GGACT: variants seen among roughly 807,000 people sequenced by gnomAD.
GGACT encodes gamma-glutamylaminecyclotransferase.
For synonymous variants in GGACT, 118 were observed against 115.3 expected, an observed-to-expected ratio of 1.02 and a Z score of -0.15; for missense variants, 241 against 233.2, an observed-to-expected ratio of 1.03 and a Z score of -0.22.
chr13:100,547,477 C>CT (rs1470820063), intron 2 of GGACT, among the ~76,000 whole-genome samples: 1 of 152,214 alleles, frequency 6.6e-6, no homozygotes, highest in Non-Finnish European at 1.5e-5. Flanking sequence ...AAAAGGTAAT[C>CT]TAAAAACAAG....
At chr13:100,549,458 C>T (rs956696239) in intron 2 of GGACT, among the ~76,000 whole-genome samples, 3 of 152,248 alleles carry the variant, frequency 2.0e-5, no homozygotes, top group African/African-American at 7.2e-5. Context: ...AGGCAGGGCC[C>T]TATATCCCAC....
At chr13:100,559,392 G>T (rs11618939) in intron 2 of GGACT, among the ~76,000 whole-genome samples, 79,812 of 151,874 alleles carry the variant, frequency 0.53, 21,261 homozygotes, top group South Asian at 0.73. Context: ...TCACCATGTT[G>T]CCCAGGCTGG....
intron 2 of GGACT, among the ~76,000 whole-genome samples, chr13:100,572,294 C>T (rs1875111075): frequency 6.6e-6 from 1 of 152,140 alleles, no homozygotes; most frequent in African/African-American, 2.4e-5. Flanking sequence ...TAAGCCAGTC[C>T]ACAAAAAGAC....
At position 100,543,197 on chromosome 13, in the gene GGACT, C is replaced by CTTTTTTTTTT. The variant is rs147710327; in HGVS notation, c.-10-10606_-10-10597dup. Among the ~76,000 whole-genome samples the CTTTTTTTTTT allele has an allele frequency of 1.8e-3, 128 of 69,902 alleles. 21 individuals carry two copies. The highest frequency in any genetic ancestry group is 2.8e-3 in the African/African-American group (45 of 16,184). 45.9% of individuals were successfully genotyped at this position (69,902 alleles called of 152,430 possible). A position where few individuals can be genotyped will look rare whatever the true frequency, so the allele number is the denominator to read the frequency against. The stretch of plus-strand genomic sequence containing the variant: ...CAAAAGGATTTTAAAAAGACACCAG[C>CTTTTTTTTTT]TTTTTTTTTTTTTTTTTTTTTTTTT... On this transcript the variant is annotated intron_variant, in intron 2 of 2. Transcript: ENST00000683975.
chr13:100,557,594 C>T (rs1265336123), intron 2 of GGACT, among the ~76,000 whole-genome samples: 1 of 151,710 alleles, frequency 6.6e-6, no homozygotes, highest in African/African-American at 2.4e-5. Context: ...TTTTAAAAAC[C>T]TCTTATCTCA....
At chr13:100,566,319 A>G (rs933787087) in intron 2 of GGACT, among the ~76,000 whole-genome samples, 1 of 152,196 alleles carries the variant, frequency 6.6e-6, no homozygotes, top group Non-Finnish European at 1.5e-5. Flanking sequence ...CGTGCTCACA[A>G]AGGCCAGTTG....
chr13:100,559,790 C>T (rs901439372), intron 2 of GGACT, among the ~76,000 whole-genome samples: 12 of 152,132 alleles, frequency 7.9e-5, no homozygotes, highest in African/African-American at 2.2e-4. Context: ...ATACCACAGC[C>T]GGCTGATAGG....
intron 2 of GGACT, among the ~76,000 whole-genome samples, chr13:100,572,535 A>C (rs921025395): frequency 6.6e-6 from 1 of 152,178 alleles, no homozygotes; most frequent in African/African-American, 2.4e-5. Flanking sequence ...AAGATGGTAA[A>C]ATTTATGTGT....
rs770437181 is a variant in GGACT at position 100,534,517 on chromosome 13, G to A, written c.-10-1916C>T. Among the ~76,000 whole-genome samples the A allele has an allele frequency of 1.6e-4, 24 of 152,232 alleles. No homozygotes were observed. The highest frequency in any genetic ancestry group is 3.9e-4 in the East Asian group (2 of 5,168). ...ACAAAAGGCACCAGCTGAGAGCAGCGCTGGTGTCTGGAGAGGGCACTGGAT... is the reference window on the plus strand; with the variant it reads ...ACAAAAGGCACCAGCTGAGAGCAGCACTGGTGTCTGGAGAGGGCACTGGAT... On this transcript the variant is annotated intron_variant, in intron 2 of 2. Coordinates refer to ENST00000683975, the MANE Select transcript of GGACT (RefSeq NM_001195087.2). The surrounding 1 kb of genome is among the most constrained non-coding windows in gnomAD (Gnocchi z 4.9).
At chr13:100,557,282 ATTCTTTT>A (rs1243346770) in intron 2 of GGACT, among the ~76,000 whole-genome samples, 1 of 152,242 alleles carries the variant, frequency 6.6e-6, no homozygotes, top group Non-Finnish European at 1.5e-5. Context: ...TTGATGGAAC[ATTCTTTT>A]TGAGATAACG....
chr13:100,546,587 G>A (rs1045595452), intron 2 of GGACT, among the ~76,000 whole-genome samples: 1 of 152,088 alleles, frequency 6.6e-6, no homozygotes, highest in African/African-American at 2.4e-5. Flanking sequence ...GAGGTGGGGG[G>A]ATCGCTTGAG....
chr13:100,551,002 A>G (rs979598497), intron 2 of GGACT, among the ~76,000 whole-genome samples: 1 of 152,204 alleles, frequency 6.6e-6, no homozygotes, highest in Non-Finnish European at 1.5e-5. Flanking sequence ...AAAAACAACA[A>G]GGCCGGGCGC....
At position 100,530,476 on chromosome 13, in the gene GGACT, T is replaced by C. The variant is rs1290243208; in HGVS notation, c.*1654A>G. 4.3e-6 allele frequency: 2 copies of C among 464,860 alleles called. No homozygotes were observed. Among genetic ancestry groups the C allele is most frequent in the African/African-American group, 2.0e-5 (1 of 50,776 alleles). 28.8% of individuals were successfully genotyped at this position (464,860 alleles called of 1,614,324 possible). A position where few individuals can be genotyped will look rare whatever the true frequency, so the allele number is the denominator to read the frequency against. On this transcript the variant is annotated 3_prime_UTR_variant, in exon 3 of 3. Transcript: ENST00000683975. ...TCTTTGAATGAAGACAATGTACACATAGGCGACAGGCTCTGCCAGTAGACT... is the reference window on the plus strand; with the variant it reads ...TCTTTGAATGAAGACAATGTACACACAGGCGACAGGCTCTGCCAGTAGACT...
intron 2 of GGACT, among the ~76,000 whole-genome samples, chr13:100,562,798 AAAAAAAAAAAG>A (rs1338621769): frequency 8.8e-5 from 5 of 56,498 alleles, no homozygotes; most frequent in Non-Finnish European, 1.5e-4. Flanking sequence ...AATGTCTCAA[AAAAAAAAAAAG>A]AAAAAAAAGA....
Position 100,534,619 on chromosome 13 carries a change from C to T in GGACT, c.-10-2018G>A, listed in dbSNP as rs2088464514. 6.6e-6 allele frequency among the ~76,000 whole-genome samples: 1 copy of T among 152,144 alleles called. No individual in the cohort carries two copies. The highest frequency in any genetic ancestry group is 2.1e-4 in the South Asian group (1 of 4,824). ...CCTGGGGGGCGATGATGGTTTGGAT[C>T]CTGCTGTGCAGCTGCCTTGGGGACT... On this transcript the variant is annotated intron_variant, in intron 2 of 2. Transcript: ENST00000683975. This position sits in a 1 kb window ranked among gnomAD's most constrained non-coding sequence, Gnocchi z 4.9.
In GGACT at chr13:100,562,754, C is replaced by T. The variant is rs1036327523; in HGVS notation, c.-11+21071G>A. Among the ~76,000 whole-genome samples, 25 of 149,744 alleles carry T rather than the reference C, an allele frequency of 1.7e-4. No individual in the cohort carries two copies. In the South Asian group the frequency reaches 2.5e-3, roughly 15 times the overall value. On this transcript the variant is annotated intron_variant, in intron 2 of 2. Transcript: ENST00000683975. ...GAGGTTGCAGTGAGCTGAGATCACG[C>T]GACTGCACTCCAGCCTGGGCAACAC...
intron 2 of GGACT, among the ~76,000 whole-genome samples, chr13:100,560,245 A>G (rs2088747609): frequency 6.6e-6 from 1 of 152,242 alleles, no homozygotes; most frequent in Non-Finnish European, 1.5e-5. Flanking sequence ...TTTAAACAGT[A>G]AGTGAGTAAA....
chr13:100,575,129 T>C (rs949392587), intron 2 of GGACT, among the ~76,000 whole-genome samples: 7 of 152,190 alleles, frequency 4.6e-5, no homozygotes, highest in African/African-American at 1.7e-4. Flanking sequence ...ATAAAACCTA[T>C]ATGCTAACGT....
intron 2 of GGACT, among the ~76,000 whole-genome samples, chr13:100,540,677 G>T (rs1320636261): frequency 6.6e-6 from 1 of 152,086 alleles, no homozygotes; most frequent in Non-Finnish European, 1.5e-5. Context: ...GGTTTTGTTT[G>T]TTGTTTTTTG....
Sources: gnomAD v4.1 joint callset for allele counts (sites outside exome capture counted in the v4.1 genomes callset) on GRCh38, gnomAD v4.1.1 for gene constraint, Gnocchi (gnomAD v3.1) non-coding constraint, MANE v1.5 for transcripts, NCBI Gene and HGNC (gene_info 2026-07-23, HGNC 2026-07-21) for gene names.